Variants in PAK5 observed in about 807,000 individuals in gnomAD.
The protein encoded by PAK5 is p21 (RAC1) activated kinase 5.
A neutral mutation model predicts 65.9 loss-of-function variants in PAK5; 16 were observed. That is an observed-to-expected ratio of 0.24 (90% CI 0.16 to 0.37). The LOEUF is 0.37. Among genes scored for constraint, PAK5 ranks in the 10% least tolerant of loss-of-function variants. The pLI is 1.00. For synonymous variants in PAK5, 371 were observed against 354.9 expected (o/e 1.05, Z -0.51); for missense variants, 785 against 903.9 (o/e 0.87, Z 1.69).
At chr20:9,708,125 T>C (rs2048031554) in intron 2 of PAK5, among the ~76,000 whole-genome samples, 1 of 152,194 alleles carries the variant, frequency 6.6e-6, no homozygotes, top group African/African-American at 2.4e-5. Context: ...TTGTTTTGTA[T>C]CTCAGAATCT....
At chr20:9,618,634 T>C (rs2046707079) in intron 3 of PAK5, among the ~76,000 whole-genome samples, 1 of 151,478 alleles carries the variant, frequency 6.6e-6, no homozygotes, top group Non-Finnish European at 1.5e-5. Flanking sequence ...AGGCTGGTCT[T>C]GAACTCCTGA....
chr20:9,818,100 T>C (rs1369415179), intron 1 of PAK5, among the ~76,000 whole-genome samples: 1 of 152,244 alleles, frequency 6.6e-6, no homozygotes, highest in Admixed American at 6.5e-5. Flanking sequence ...CACTTCCTTT[T>C]AAAATCCAGT....
chr20:9,607,311 C>A (rs1430698874), intron 3 of PAK5, among the ~76,000 whole-genome samples: 3 of 152,214 alleles, frequency 2.0e-5, no homozygotes, highest in Non-Finnish European at 4.4e-5. Flanking sequence ...TTCTGTAAAA[C>A]AACTGGCCTG....
rs369201600 is a variant in PAK5, at chr20:9,603,822, T to C, written c.205-22892A>G. Among the ~76,000 whole-genome samples, 4 of 152,252 alleles carry C rather than the reference T, an allele frequency of 2.6e-5. No homozygotes were observed. In the East Asian group the frequency reaches 7.7e-4, roughly 29 times the overall value. ...ATCCCCATTTTACAGGTGTGGAAACTGAGTCTTGAGCCAGGAGGTAGAAAA... is the reference window on the plus strand; with the variant it reads ...ATCCCCATTTTACAGGTGTGGAAACCGAGTCTTGAGCCAGGAGGTAGAAAA... On this transcript the variant is annotated intron_variant, in intron 3 of 9. Transcript: ENST00000353224.
chr20:9,557,634 A>T lies in PAK5; in HGVS notation c.1717T>A (p.Ser573Thr), dbSNP rs1278838671. 6.2e-7 allele frequency: 1 copy of T among 1,611,724 alleles called. No individual in the cohort carries two copies. Among genetic ancestry groups the T allele is most frequent in the East Asian group, 2.2e-5 (1 of 44,776 alleles). ...GVIHRDIKSD[S>T]ILLTSDGRIK... ...CGGCCATCGCTTGTCAGGAGGATGGAGTCACTTTTTATGTCCCTGTGAATC... is the reference window on the plus strand; with the variant it reads ...CGGCCATCGCTTGTCAGGAGGATGGTGTCACTTTTTATGTCCCTGTGAATC... The change falls in exon 7 of 10, where the codon TCC becomes ACC. Residue 573 changes from serine to threonine, a missense_variant. Ser to Thr is a moderately conservative substitution (Grantham distance 58). Around this residue, in one of 4 missense-constraint regions of PAK5, gnomAD observed 182 missense variants for 273.0 expected, o/e 0.67. Transcript: ENST00000353224.
intron 3 of PAK5, among the ~76,000 whole-genome samples, chr20:9,618,279 A>C (rs1426267738): frequency 6.6e-6 from 1 of 152,124 alleles, no homozygotes; most frequent in Non-Finnish European, 1.5e-5. Context: ...CCTCTAAATT[A>C]TAATCAAATT....
intron 1 of PAK5, among the ~76,000 whole-genome samples, chr20:9,759,481 A>G (rs2048673693): frequency 6.6e-6 from 1 of 152,154 alleles, no homozygotes; most frequent in South Asian, 2.1e-4. Context: ...ATTTCACAGA[A>G]TTTAAGGGAG....
intron 3 of PAK5, among the ~76,000 whole-genome samples, chr20:9,621,434 G>A (rs1233591888): frequency 1.4e-5 from 2 of 144,460 alleles, no homozygotes; most frequent in Non-Finnish European, 1.5e-5. Context: ...GACACACCTA[G>A]GCATATCCTG....
chr20:9,584,776 C>T (rs183857055), intron 3 of PAK5, among the ~76,000 whole-genome samples: 15 of 152,336 alleles, frequency 9.8e-5, no homozygotes, highest in African/African-American at 2.6e-4. Context: ...CACAGTGTAT[C>T]AACTAAAAGT....
At chr20:9,663,485 A>C (rs556583776) in intron 2 of PAK5, among the ~76,000 whole-genome samples, 1 of 152,260 alleles carries the variant, frequency 6.6e-6, no homozygotes, top group Non-Finnish European at 1.5e-5. Context: ...AAAATGCCAA[A>C]ATGCATTTTC....
intron 3 of PAK5, among the ~76,000 whole-genome samples, chr20:9,622,421 A>T (rs1002259846): frequency 6.6e-6 from 1 of 152,228 alleles, no homozygotes; most frequent in East Asian, 1.9e-4. Flanking sequence ...GGACATTTAC[A>T]TGATCACAGA....
Position 9,739,774 on chromosome 20 carries a change from T to G in PAK5, c.-161-28339A>C, listed in dbSNP as rs539899501. ...CTGGAGGATAGAAGGGAAGTATGTTTTGTTCTCAGAAAAGTCCAGTTACAA... is the reference window on the plus strand; with the variant it reads ...CTGGAGGATAGAAGGGAAGTATGTTGTGTTCTCAGAAAAGTCCAGTTACAA... On this transcript the variant is annotated intron_variant, in intron 1 of 9. Transcript: ENST00000353224. 2.0e-5 allele frequency among the ~76,000 whole-genome samples: 3 copies of G among 152,248 alleles called. No homozygotes were observed. The South Asian group carries it at 6.2e-4, about 32-fold the overall frequency.
chr20:9,746,518 A>G lies in PAK5; in HGVS notation c.-161-35083T>C, dbSNP rs182791123. ...TGAATATTGGCATATTTGGACACCC[A>G]TGTAACAACAACTCAGACCAAGATC... On this transcript the variant is annotated intron_variant, in intron 1 of 9. Coordinates refer to ENST00000353224, the MANE Select transcript of PAK5 (RefSeq NM_177990.4). Among the ~76,000 whole-genome samples the G allele has an allele frequency of 3.9e-5, 6 of 152,300 alleles. No individual in the cohort carries two copies. In the East Asian group the frequency reaches 9.6e-4, roughly 24 times the overall value.
chr20:9,656,049 C>G (rs1176848465), intron 2 of PAK5, among the ~76,000 whole-genome samples: 7 of 152,102 alleles, frequency 4.6e-5, no homozygotes, highest in Non-Finnish European at 1.0e-4. Context: ...AATATATGAA[C>G]TTGGGAGGTG....
chr20:9,650,178 T>C (rs888686420), intron 2 of PAK5, among the ~76,000 whole-genome samples: 1 of 152,208 alleles, frequency 6.6e-6, no homozygotes, highest in African/African-American at 2.4e-5. Flanking sequence ...AAGAAAGCCC[T>C]ACAAGGGACT....
At chr20:9,612,372 A>T (rs1365914771) in intron 3 of PAK5, among the ~76,000 whole-genome samples, 1 of 152,190 alleles carries the variant, frequency 6.6e-6, no homozygotes, top group Non-Finnish European at 1.5e-5. Context: ...TAAAGAAAAG[A>T]GGCTTAATTG....
chr20:9,562,984 T>C lies in PAK5; in HGVS notation c.1523A>G (p.Asp508Gly). 2.5e-6 allele frequency: 4 copies of C among 1,612,596 alleles called. No individual in the cohort carries two copies. Among genetic ancestry groups the C allele is most frequent in the Non-Finnish European group, 3.4e-6 (4 of 1,178,696 alleles). ...GCCGACAAGGTAGCTGCTGTACATG[T>C]CAACCACATTGTCATGGTGGTAATC... ...MRDYHHDNVV[D>G]MYSSYLVGDE... is the part of the protein sequence containing the mutation. The change falls in exon 6 of 10, where the codon GAC becomes GGC. Residue 508 changes from aspartate to glycine, a missense_variant. Transcript: ENST00000353224.
chr20:9,770,794 T>C (rs1222090419), intron 1 of PAK5, among the ~76,000 whole-genome samples: 1 of 151,704 alleles, frequency 6.6e-6, no homozygotes, highest in Non-Finnish European at 1.5e-5. Context: ...ATCGTTGGAG[T>C]TGAGGCCCTA....
chr20:9,687,122 T>C (rs1439721585), intron 2 of PAK5, among the ~76,000 whole-genome samples: 3 of 152,190 alleles, frequency 2.0e-5, no homozygotes, highest in Non-Finnish European at 4.4e-5. Flanking sequence ...CAGCCTATCT[T>C]ATGCCCAGGC....
Sources: gnomAD v4.1 joint callset for allele counts (sites outside exome capture counted in the v4.1 genomes callset) on GRCh38, gnomAD v4.1.1 for gene constraint, gnomAD v4.1.1 regional missense constraint, MANE v1.5 for transcripts, NCBI Gene and HGNC (gene_info 2026-07-23, HGNC 2026-07-21) for gene names.